The following TBC1D19 variants were observed in gnomAD, a reference collection of about 807,000 sequenced individuals.
TBC1D19 encodes the protein TBC1 domain family, member 19.
TBC1D19 carries 60 observed loss-of-function variants against 89.0 expected under a neutral mutation model. The ratio of observed to expected loss-of-function variants is 0.67; its 90% confidence interval spans 0.55 to 0.84. The LOEUF is 0.84. Among genes scored for constraint, TBC1D19 ranks in the 40% least tolerant of loss-of-function variants. The pLI, the probability that TBC1D19 is intolerant of heterozygous loss-of-function variation, is 0.00. For synonymous variants in TBC1D19, 189 were observed against 199.7 expected (o/e 0.95, Z 0.45); for missense variants, 500 against 610.8 (o/e 0.82, Z 1.91).
chr4:26,746,520 G>A (rs1371264102), intron 18 of TBC1D19, among the ~76,000 whole-genome samples: 1 of 151,930 alleles, frequency 6.6e-6, no homozygotes, highest in African/African-American at 2.4e-5. Flanking sequence ...TTCGGTTATT[G>A]TATTTTTCAG....
chr4:26,582,687 G>T (rs978178946), upstream of TBC1D19, among the ~76,000 whole-genome samples: 1 of 152,210 alleles, frequency 6.6e-6, no homozygotes, highest in Non-Finnish European at 1.5e-5. Flanking sequence ...AGAATGTTTT[G>T]TAGAGAAACT....
At chr4:26,586,170 G>GTTTTTTTTTTTTTTTTTTTTTTTTTTGGT in intron 1 of TBC1D19, among the ~76,000 whole-genome samples, 1 of 135,150 alleles carries the variant, frequency 7.4e-6, no homozygotes, top group Non-Finnish European at 1.5e-5. Flanking sequence ...TGCAAGGTAA[G>GTTTTTTTTTTTTTTTTTTTTTTTTTTGGT]CTTTTTTTTT....
the TBC1D19 span, among the ~76,000 whole-genome samples, chr4:26,848,177 G>C: frequency 6.6e-6 from 1 of 152,168 alleles, no homozygotes; most frequent in Non-Finnish European, 1.5e-5. Context: ...AAATATGGCT[G>C]GGCATCACCC....
At chr4:26,852,784 T>TA in the TBC1D19 span, among the ~76,000 whole-genome samples, 1 of 151,002 alleles carries the variant, frequency 6.6e-6, no homozygotes, top group Non-Finnish European at 1.5e-5. Flanking sequence ...CATGCCCAGC[T>TA]AATTTTTTGT....
the TBC1D19 span, among the ~76,000 whole-genome samples, chr4:26,771,637 C>T: frequency 6.6e-6 from 1 of 152,008 alleles, no homozygotes; most frequent in Non-Finnish European, 1.5e-5. Flanking sequence ...AGCAGAGTGG[C>T]TGTTGCCAGG....
chr4:26,671,160 T>G (rs1712269803), intron 9 of TBC1D19, among the ~76,000 whole-genome samples: 1 of 151,830 alleles, frequency 6.6e-6, no homozygotes, highest in Admixed American at 6.6e-5. Context: ...CTACTCCCAC[T>G]AGCTTTGTAT....
the TBC1D19 span, among the ~76,000 whole-genome samples, chr4:26,833,705 C>A: frequency 6.6e-6 from 1 of 152,222 alleles, no homozygotes; most frequent in Non-Finnish European, 1.5e-5. Flanking sequence ...TACTTCCACA[C>A]AATGTGTCGC....
chr4:26,751,837 C>A (rs1312453137), intron 19 of TBC1D19, among the ~76,000 whole-genome samples: 3 of 152,220 alleles, frequency 2.0e-5, no homozygotes, highest in Admixed American at 6.5e-5. Flanking sequence ...ACCAGGACCA[C>A]TGTAGCAGCA....
rs552571454 is a variant in TBC1D19, at chr4:26,609,672, G to C, written c.100-3497G>C. Among the ~76,000 whole-genome samples the C allele has an allele frequency of 3.3e-5, 5 of 152,276 alleles. No homozygotes were observed. In the East Asian group the frequency reaches 9.7e-4, roughly 29 times the overall value. On this transcript the variant is annotated intron_variant, in intron 1 of 20. Transcript: ENST00000264866. ...TGTAGAGATAAGTTGGGTCTACATT[G>C]TGAAGGACCAAGTATGCCCTGTTAA...
the TBC1D19 span, among the ~76,000 whole-genome samples, chr4:26,800,664 C>A: frequency 6.6e-6 from 1 of 152,278 alleles, no homozygotes; most frequent in South Asian, 2.1e-4. Context: ...CTCTCCAGCA[C>A]CTGTTGTTTC....
At chr4:26,778,555 G>T in the TBC1D19 span, among the ~76,000 whole-genome samples, 2 of 152,154 alleles carry the variant, frequency 1.3e-5, no homozygotes, top group East Asian at 3.9e-4. Context: ...CCAGAACCGA[G>T]GTCTGCTCAA....
At chr4:26,667,734 A>G (rs571792353) in intron 9 of TBC1D19, among the ~76,000 whole-genome samples, 1 of 152,148 alleles carries the variant, frequency 6.6e-6, no homozygotes, top group Admixed American at 6.6e-5. Context: ...TCTAGGTCCT[A>G]GAAATATTCA....
intron 5 of TBC1D19, among the ~76,000 whole-genome samples, chr4:26,637,673 A>C (rs1055160666): frequency 1.3e-5 from 2 of 152,052 alleles, no homozygotes; most frequent in Non-Finnish European, 2.9e-5. Context: ...TGCCCGGCCT[A>C]TTTATGTATT....
chr4:26,831,530 G>A, the TBC1D19 span, among the ~76,000 whole-genome samples: 1 of 151,770 alleles, frequency 6.6e-6, no homozygotes, highest in South Asian at 2.1e-4. Flanking sequence ...ACCCATGGCA[G>A]CAGTTTGCTA....
At chr4:26,620,780 T>A in intron 4 of TBC1D19, 92 bp downstream of exon 4, 2 of 1,131,036 alleles carry the variant, frequency 1.8e-6, no homozygotes, top group South Asian at 3.4e-5. Context: ...GTATGTATTA[T>A]TAATTATGAA....
At chr4:26,830,101 T>G in the TBC1D19 span, among the ~76,000 whole-genome samples, 1 of 152,216 alleles carries the variant, frequency 6.6e-6, no homozygotes, top group Non-Finnish European at 1.5e-5. Context: ...CATAAAAGTG[T>G]AAGAAGTTGA....
chr4:26,764,186 C>A, the TBC1D19 span, among the ~76,000 whole-genome samples: 1 of 152,140 alleles, frequency 6.6e-6, no homozygotes. Flanking sequence ...AATATTTTGG[C>A]TGATTGCTGA....
At chr4:26,582,229 C>A (rs551555834), upstream of TBC1D19, among the ~76,000 whole-genome samples, 934 of 152,044 alleles carry the variant, frequency 6.1e-3, 5 homozygotes, top group Non-Finnish European at 0.011. Flanking sequence ...TATTAATAGT[C>A]TAATACTTGG....
chr4:26,711,621 C>T (rs1201251507), intron 13 of TBC1D19, among the ~76,000 whole-genome samples: 2 of 152,008 alleles, frequency 1.3e-5, no homozygotes. Context: ...CAGACTTACA[C>T]ATTCAGTTTC....
Sources: allele counts gnomAD v4.1 joint callset (sites outside exome capture counted in the v4.1 genomes callset), GRCh38; gene constraint gnomAD v4.1.1; transcripts MANE v1.5; gene names NCBI Gene and HGNC (gene_info 2026-07-23, HGNC 2026-07-21).